The following SESN1 variants were observed in gnomAD, a reference collection of about 807,000 sequenced individuals.
The protein encoded by SESN1 is sestrin-1.
SESN1 carries 30 observed loss-of-function variants against 59.3 expected under a neutral mutation model. That is an observed-to-expected ratio of 0.51 (90% CI 0.38 to 0.69). The LOEUF (loss-of-function observed/expected upper bound fraction) is 0.69. Ranked by LOEUF, SESN1 falls within the 30% of genes least tolerant of loss-of-function variation. The probability of loss-of-function intolerance (pLI) is 0.00; values close to 1 mark genes in which losing one functional copy is unlikely to be tolerated. For synonymous variants in SESN1, 197 were observed against 219.9 expected, an observed-to-expected ratio of 0.90 and a Z score of 0.92; for missense variants, 566 against 673.0, an observed-to-expected ratio of 0.84 and a Z score of 1.76.
At chr6:108,991,864 T>G (rs2114267525) in intron 7 of SESN1, among the ~76,000 whole-genome samples, 1 of 152,318 alleles carries the variant, frequency 6.6e-6, no homozygotes, top group East Asian at 1.9e-4. Context: ...AATCTTTAGC[T>G]TGAAGCTCTC....
intron 1 of SESN1, among the ~76,000 whole-genome samples, chr6:109,019,926 T>C (rs927897142): frequency 3.9e-5 from 6 of 152,190 alleles, no homozygotes; most frequent in South Asian, 2.1e-4. Context: ...TCTTCAAATA[T>C]TGCACACTAA....
intron 1 of SESN1, among the ~76,000 whole-genome samples, chr6:109,067,259 T>C (rs1437762802): frequency 6.6e-6 from 1 of 152,168 alleles, no homozygotes; most frequent in Non-Finnish European, 1.5e-5. Flanking sequence ...ATTGTATCAC[T>C]GTCACTGCAG....
intron 4 of SESN1, 45 bp from the exon 5 acceptor site, chr6:108,998,800 GGT>G (rs1246521283): frequency 3.2e-6 from 5 of 1,561,898 alleles, no homozygotes; most frequent in Non-Finnish European, 4.3e-6. Flanking sequence ...ACTGGGGTGT[GGT>G]AAAAGTATAC....
At position 109,073,000 on chromosome 6, in the gene SESN1, A is replaced by C. The variant is rs373497759; in HGVS notation, c.279+20795T>G. ...TTATTTGCATTCAATAGAATAAAAA[A>C]TAAAGTGTTTTTTTGTTTGTTTTTT... On this transcript the variant is annotated intron_variant, in intron 1 of 9. Transcript: ENST00000436639. Among the ~76,000 whole-genome samples the C allele has an allele frequency of 1.7e-3, 262 of 151,590 alleles. 8 individuals are homozygous for C. In the South Asian group the frequency reaches 0.055, roughly 32 times the overall value.
chr6:109,009,460 T>G (rs1486164673), intron 1 of SESN1: 6 of 1,304,312 alleles, frequency 4.6e-6, no homozygotes, highest in South Asian at 2.2e-5. Flanking sequence ...GCCAAGCGCA[T>G]GTCGGCGCGG....
intron 4 of SESN1, 94 bp downstream of exon 4, chr6:109,000,397 A>C (rs1004122561): frequency 4.3e-6 from 4 of 930,642 alleles, no homozygotes; most frequent in Non-Finnish European, 6.0e-6. Flanking sequence ...GAAAATAGGA[A>C]CTCTCTGTAC....
intron 1 of SESN1, among the ~76,000 whole-genome samples, chr6:109,014,921 ATTTAG>A (rs1779909533): frequency 6.6e-6 from 1 of 152,140 alleles, no homozygotes; most frequent in Non-Finnish European, 1.5e-5. Flanking sequence ...CTATTTATTT[ATTTAG>A]TTTGTCTCAA....
rs575316478 is a variant in SESN1, at chr6:109,001,566, C to T, written c.346-78G>A. On this transcript the variant is annotated intron_variant, in intron 2 of 9. Transcript: ENST00000436639. ...GAAGAAAATATACATGCGCTACACT[C>T]TAAGTATCATTTAGAAGCAGATTAA... 1.4e-5 allele frequency: 17 copies of T among 1,226,300 alleles called. No individual in the cohort carries two copies. The Admixed American group carries it at 3.6e-4, about 26-fold the overall frequency. The allele number at this position is 1,226,300 out of a possible 1,614,324, so 76.0% of individuals were successfully genotyped here.
rs571227244 is a variant in SESN1, at chr6:108,990,242, G to A, written c.1424+403C>T. Among the ~76,000 whole-genome samples, 13 of 152,330 alleles carry A rather than the reference G, an allele frequency of 8.5e-5. No homozygotes were observed. In the South Asian group the frequency reaches 2.7e-3, roughly 32 times the overall value. On this transcript the variant is annotated intron_variant, in intron 8 of 9. Coordinates refer to ENST00000436639, the MANE Select transcript of SESN1 (RefSeq NM_014454.3). Reference sequence around the variant, plus strand: ...TATGAGAGCAAGTACTCCTCAGAAGGAGCCTAAGAACAGCCAGAGGGGCAA... The same window carrying A: ...TATGAGAGCAAGTACTCCTCAGAAGAAGCCTAAGAACAGCCAGAGGGGCAA...
chr6:109,009,558 G>GGGGC (rs1046688067), intron 1 of SESN1: 5 of 1,126,566 alleles, frequency 4.4e-6, no homozygotes, highest in East Asian at 4.8e-5. Flanking sequence ...CGGACGGCGG[G>GGGGC]GGGGCGGGGC....
intron 9 of SESN1, 124 bp from the exon 10 acceptor site, chr6:108,987,754 C>CTG: frequency 2.0e-6 from 1 of 490,152 alleles, no homozygotes; most frequent in South Asian, 3.4e-5. Context: ...TACAGCATAA[C>CTG]TTAGCCTTGG....
At chr6:108,995,494 G>A (rs1361278250) in intron 5 of SESN1, among the ~76,000 whole-genome samples, 1 of 152,216 alleles carries the variant, frequency 6.6e-6, no homozygotes, top group African/African-American at 2.4e-5. Context: ...GAGTAATGGG[G>A]CTGACAAAGG....
intron 1 of SESN1, among the ~76,000 whole-genome samples, chr6:109,091,758 C>T (rs1257592806): frequency 6.6e-6 from 1 of 152,220 alleles, no homozygotes; most frequent in Non-Finnish European, 1.5e-5. Flanking sequence ...CACTGGTCCT[C>T]AGTTCTCAGA....
At chr6:109,064,292 A>G (rs1780779587) in intron 1 of SESN1, among the ~76,000 whole-genome samples, 1 of 151,552 alleles carries the variant, frequency 6.6e-6, no homozygotes, top group African/African-American at 2.4e-5. Flanking sequence ...TTTATAGATG[A>G]CTCCAGAGTT....
At chr6:109,030,411 T>C (rs948986470) in intron 1 of SESN1, among the ~76,000 whole-genome samples, 1 of 152,232 alleles carries the variant, frequency 6.6e-6, no homozygotes, top group East Asian at 1.9e-4. Flanking sequence ...TTCCTATGCA[T>C]GCAGAGTATA....
intron 1 of SESN1, chr6:109,009,014 T>G: frequency 2.9e-6 from 3 of 1,026,378 alleles, no homozygotes; most frequent in Non-Finnish European, 3.5e-6. Context: ...GTCTGCTGGA[T>G]TTCTGACTTG....
intron 1 of SESN1, among the ~76,000 whole-genome samples, chr6:109,027,059 A>G (rs1244360886): frequency 6.6e-6 from 1 of 151,932 alleles, no homozygotes; most frequent in Non-Finnish European, 1.5e-5. Context: ...AATCCCAACT[A>G]CTCAGGAGGC....
chr6:108,990,657 A>G lies in SESN1; in HGVS notation c.1412T>C (p.Met471Thr). ...RRAIWNYIHC[M>T]FGIRYDDYDY... ...AAAGAAGACTAACCTTATTCCAAACATGCAGTGAATATAGTTCCAAATTGC... is the reference window on the plus strand; with the variant it reads ...AAAGAAGACTAACCTTATTCCAAACGTGCAGTGAATATAGTTCCAAATTGC... The change falls in exon 8 of 10, where the codon ATG becomes ACG. Residue 471 changes from methionine (M) to threonine (T), a missense_variant. Met to Thr is a moderately conservative substitution (Grantham distance 81, BLOSUM62 -1). Coordinates refer to ENST00000436639, the MANE Select transcript of SESN1 (RefSeq NM_014454.3). 1 of 1,614,080 alleles carries G rather than the reference A, an allele frequency of 6.2e-7. No homozygotes were observed. The highest frequency in any genetic ancestry group is 8.5e-7 in the Non-Finnish European group (1 of 1,179,966).
At chr6:109,004,017 G>A (rs1049366873) in intron 1 of SESN1, among the ~76,000 whole-genome samples, 13 of 152,228 alleles carry the variant, frequency 8.5e-5, no homozygotes, top group African/African-American at 1.7e-4. Flanking sequence ...TTTAGTATAC[G>A]AAAAGGTGTC....
Sources: gnomAD v4.1 joint callset for allele counts (sites outside exome capture counted in the v4.1 genomes callset) on GRCh38, gnomAD v4.1.1 for gene constraint, MANE v1.5 for transcripts, NCBI Gene and HGNC (gene_info 2026-07-23, HGNC 2026-07-21) for gene names.